LRRC56: variants seen among roughly 807,000 people sequenced by gnomAD.
LRRC56 encodes leucine-rich repeat-containing protein 56.
A neutral mutation model predicts 47.8 loss-of-function variants in LRRC56; 41 were observed. The observed-to-expected ratio is 0.86, with a 90% CI of 0.67 to 1.11. The LOEUF (loss-of-function observed/expected upper bound fraction) is 1.11, where lower values mean the gene tolerates loss of function less well. Among genes scored for constraint, LRRC56 ranks in the 50% most tolerant of loss-of-function variants. The probability of loss-of-function intolerance (pLI) is 0.00; values close to 1 mark genes in which losing one functional copy is unlikely to be tolerated. For synonymous variants in LRRC56, 387 were observed against 311.2 expected (o/e 1.24, Z -2.56); for missense variants, 759 against 704.2 (o/e 1.08, Z -0.88).
chr11:531,662 G>C, the LRRC56 span, among the ~76,000 whole-genome samples: 1 of 152,192 alleles, frequency 6.6e-6, no homozygotes, highest in Non-Finnish European at 1.5e-5. Flanking sequence ...GTCCACTCCA[G>C]GAGGCAGGGA....
intron 6 of LRRC56, among the ~76,000 whole-genome samples, chr11:548,704 T>C (rs567817169): frequency 4.3e-4 from 66 of 152,300 alleles, no homozygotes; most frequent in African/African-American, 1.5e-3. Context: ...GTGATCTGCC[T>C]GCCTCGGCCT....
At position 541,560 on chromosome 11, in the gene LRRC56, C is replaced by T. The variant is rs374549941; in HGVS notation, c.201C>T (p.Asp67=). Residue 67 remains aspartate, a synonymous_variant, in exon 5 of 14, where the codon GAC becomes GAT. Coordinates refer to ENST00000270115, the MANE Select transcript of LRRC56 (RefSeq NM_198075.4). The surrounding 1 kb of genome is among the most constrained non-coding windows in gnomAD (Gnocchi z 4.1). ...AGCAGGCCCTGGCCCGGGTGGATGA[C>T]CTTCGGCTGGTGAGGACGCTGGAGA... ...ARLQALARVD[D]LRLVRTLEMC... The T allele has an allele frequency of 2.1e-5, 33 of 1,583,530 alleles. No individual in the cohort carries two copies. Among genetic ancestry groups the T allele is most frequent in the Non-Finnish European group, 2.8e-5 (32 of 1,163,326 alleles).
Position 541,655 on chromosome 11 carries a change from G to T in LRRC56, c.265+31G>T, listed in dbSNP as rs769536215. On this transcript the variant is annotated intron_variant, in intron 5 of 13. Coordinates refer to ENST00000270115, the MANE Select transcript of LRRC56 (RefSeq NM_198075.4). This position sits in a 1 kb window ranked among gnomAD's most constrained non-coding sequence, Gnocchi z 4.1. Reference sequence around the variant, plus strand: ...CCTCTTCCCACCCCGCCATGGCCACGGCCACGGCCACGCCTCCCTGTAAAC... The same window carrying T: ...CCTCTTCCCACCCCGCCATGGCCACTGCCACGGCCACGCCTCCCTGTAAAC... The T allele has an allele frequency of 1.2e-4, 166 of 1,339,608 alleles. No homozygotes were observed. Among genetic ancestry groups the T allele is most frequent in the Non-Finnish European group, 1.6e-4 (158 of 966,792 alleles). The allele number at this position is 1,339,608 out of a possible 1,614,324, so 83.0% of individuals were successfully genotyped here.
At chr11:524,698 G>A in the LRRC56 span, among the ~76,000 whole-genome samples, 1 of 152,234 alleles carries the variant, frequency 6.6e-6, no homozygotes, top group Non-Finnish European at 1.5e-5. Context: ...AACAAGCAGT[G>A]TGGGAACAAC....
the LRRC56 span, among the ~76,000 whole-genome samples, chr11:508,878 T>C: frequency 6.6e-6 from 1 of 151,386 alleles, no homozygotes; most frequent in Admixed American, 6.6e-5. Flanking sequence ...ACCCCATCTC[T>C]ACTAAAATTA....
the LRRC56 span, among the ~76,000 whole-genome samples, chr11:516,260 G>C: frequency 4.6e-5 from 7 of 152,242 alleles, no homozygotes; most frequent in South Asian, 1.4e-3. Context: ...AGGCATGGTG[G>C]TACACGCCTG....
chr11:534,487 C>G, upstream of LRRC56: 2 of 625,994 alleles, frequency 3.2e-6, no homozygotes, highest in Non-Finnish European at 5.6e-6. Context: ...TGGGCCCCAA[C>G]GCCAGGCAGC....
At chr11:509,552 T>A in the LRRC56 span, among the ~76,000 whole-genome samples, 1 of 151,992 alleles carries the variant, frequency 6.6e-6, no homozygotes, top group Non-Finnish European at 1.5e-5. Flanking sequence ...TCTTCATTTT[T>A]ATTTTATTTT....
chr11:531,572 G>A, the LRRC56 span, among the ~76,000 whole-genome samples: 14,579 of 152,290 alleles, frequency 0.096, 961 homozygotes, highest in Admixed American at 0.19. Context: ...CCAGCCATGA[G>A]GCAGGCGTGG....
chr11:527,698 ATTT>A, the LRRC56 span, among the ~76,000 whole-genome samples: 4 of 111,500 alleles, frequency 3.6e-5, no homozygotes, highest in Admixed American at 9.3e-5. Flanking sequence ...CGCCCGGCTA[ATTT>A]TTTTTTTTTT....
the LRRC56 span, among the ~76,000 whole-genome samples, chr11:512,572 G>A: frequency 3.9e-5 from 6 of 152,186 alleles, no homozygotes; most frequent in Non-Finnish European, 8.8e-5. Flanking sequence ...TACATGGTGC[G>A]AGGAAAGGGC....
chr11:532,887 CCA>C, upstream of LRRC56: 4 of 881,722 alleles, frequency 4.5e-6, no homozygotes, highest in Non-Finnish European at 7.4e-6. Context: ...CCCAGGCCCA[CCA>C]CACACACGGG....
At chr11:542,224 C>A (rs550211301) in intron 5 of LRRC56, among the ~76,000 whole-genome samples, 71 of 151,626 alleles carry the variant, frequency 4.7e-4, no homozygotes, top group South Asian at 8.4e-4. Flanking sequence ...GTACCCCCGG[C>A]ACGCTCAGTG....
At chr11:542,464 C>T (rs893240442) in intron 5 of LRRC56, among the ~76,000 whole-genome samples, 2 of 151,008 alleles carry the variant, frequency 1.3e-5, no homozygotes, top group African/African-American at 4.9e-5. Context: ...AAAAATTAGA[C>T]AGGCATGATG....
the LRRC56 span, among the ~76,000 whole-genome samples, chr11:526,675 G>T: frequency 2.0e-5 from 3 of 152,182 alleles, no homozygotes; most frequent in Non-Finnish European, 4.4e-5. Flanking sequence ...GGTGGCTCAT[G>T]CCTGTAATCC....
chr11:524,262 T>C, the LRRC56 span, among the ~76,000 whole-genome samples: 1 of 152,136 alleles, frequency 6.6e-6, no homozygotes, highest in Non-Finnish European at 1.5e-5. Flanking sequence ...GGGAAGACGA[T>C]GGAGATCCCA....
the LRRC56 span, among the ~76,000 whole-genome samples, chr11:520,942 C>T: frequency 6.6e-6 from 1 of 152,214 alleles, no homozygotes; most frequent in Non-Finnish European, 1.5e-5. Context: ...ATTGAGACCG[C>T]GTCGGTTATT....
At chr11:527,791 A>G in the LRRC56 span, among the ~76,000 whole-genome samples, 1 of 129,228 alleles carries the variant, frequency 7.7e-6, no homozygotes, top group African/African-American at 3.0e-5. Flanking sequence ...ACCTCCACCC[A>G]CTGGGTTCAA....
the LRRC56 span, among the ~76,000 whole-genome samples, chr11:525,496 G>A: frequency 4.3e-4 from 64 of 150,542 alleles, no homozygotes; most frequent in South Asian, 2.3e-3. Flanking sequence ...CCGAGATCGC[G>A]CCACTGCACT....
Sources: allele counts gnomAD v4.1 joint callset (sites outside exome capture counted in the v4.1 genomes callset), GRCh38; gene constraint gnomAD v4.1.1; non-coding constraint Gnocchi (gnomAD v3.1); transcripts MANE v1.5; gene names NCBI Gene and HGNC (gene_info 2026-07-23, HGNC 2026-07-21).